Variants in RBFOX1 observed in about 807,000 individuals in gnomAD.
RBFOX1 encodes the protein RNA binding fox-1 homolog 1, also known as RNA binding protein fox-1 homolog 1.
RBFOX1 carries 8 observed loss-of-function variants against 57.7 expected under a neutral mutation model. The ratio of observed to expected loss-of-function variants is 0.14; its 90% CI spans 0.08 to 0.25. RBFOX1 has a LOEUF of 0.25. Ranked by LOEUF, RBFOX1 falls within the 10% of genes least tolerant of loss-of-function variation. The pLI, the probability that RBFOX1 is intolerant of heterozygous loss-of-function variation, is 1.00. For synonymous variants in RBFOX1, 326 were observed against 222.4 expected, an observed-to-expected ratio of 1.47 and a Z score of -4.15; for missense variants, 611 against 548.5, an observed-to-expected ratio of 1.11 and a Z score of -1.14.
At chr16:6,616,629 C>T (rs539743237) in intron 2 of RBFOX1, among the ~76,000 whole-genome samples, 3 of 152,150 alleles carry the variant, frequency 2.0e-5, no homozygotes, top group Non-Finnish European at 2.9e-5. Context: ...GAGCCGAGAT[C>T]GTGCCACTGC....
intron 3 of RBFOX1, among the ~76,000 whole-genome samples, chr16:6,964,584 G>C (rs145422355): frequency 3.3e-5 from 5 of 152,262 alleles, no homozygotes; most frequent in Admixed American, 3.3e-4. Context: ...CTTTATACTT[G>C]CTGAATTTTC....
intron 4 of RBFOX1, among the ~76,000 whole-genome samples, chr16:5,875,995 C>T (rs1450114770): frequency 2.0e-5 from 3 of 152,030 alleles, no homozygotes; most frequent in Non-Finnish European, 4.4e-5. Context: ...AGGCCCCCGA[C>T]AGCACACCCA....
intron 1 of RBFOX1, among the ~76,000 whole-genome samples, chr16:5,299,542 C>G (rs963359479): frequency 1.3e-4 from 20 of 152,212 alleles, no homozygotes; most frequent in African/African-American, 1.9e-4. Context: ...ACCATTCTGA[C>G]AAGCCACGTA....
At chr16:7,564,447 A>AGGGGAATTGCTTGATCCTGGGAGGCG (rs1415578490) in intron 5 of RBFOX1, among the ~76,000 whole-genome samples, 3 of 141,848 alleles carry the variant, frequency 2.1e-5, no homozygotes, top group African/African-American at 7.8e-5. Context: ...AGGCTGAGGC[A>AGGGGAATTGCTTGATCCTGGGAGGCG]GGGGAATTGC....
chr16:5,246,919 C>T (rs1225161442), intron 1 of RBFOX1, among the ~76,000 whole-genome samples: 1 of 152,202 alleles, frequency 6.6e-6, no homozygotes, highest in Admixed American at 6.5e-5. Context: ...AATCTGCCGG[C>T]CTCAGCCTCC....
chr16:6,278,451 G>A (rs1273858349), intron 1 of RBFOX1, among the ~76,000 whole-genome samples: 1 of 127,488 alleles, frequency 7.8e-6, no homozygotes, highest in Non-Finnish European at 1.6e-5. Flanking sequence ...CTAATCGCAT[G>A]AAGCATAAAT....
chr16:6,565,815 G>A (rs542014557), intron 2 of RBFOX1, among the ~76,000 whole-genome samples: 1 of 152,324 alleles, frequency 6.6e-6, no homozygotes, highest in East Asian at 1.9e-4. Flanking sequence ...GAAAAAAAGA[G>A]CTGGAAGGAT....
chr16:7,013,068 A>C (rs1161548156), intron 3 of RBFOX1, among the ~76,000 whole-genome samples: 4 of 152,092 alleles, frequency 2.6e-5, no homozygotes, highest in Non-Finnish European at 5.9e-5. Flanking sequence ...TCCCCTTATG[A>C]GGATCTTACT....
rs200673971 is a variant in RBFOX1 at position 7,709,746 on chromosome 16, T to C, written c.1071+615T>C. 6.2e-5 allele frequency: 11 copies of C among 177,482 alleles called. No individual in the cohort carries two copies. The East Asian group carries it at 1.5e-3, about 24-fold the overall frequency. 11.0% of individuals were successfully genotyped at this position (177,482 alleles called of 1,614,324 possible). The stretch of plus-strand genomic sequence containing the variant: ...TTGGGGCAGGTCTGGGTTTTTGTTT[T>C]GGGAGGGGGTGGGGGGAGGGTAAAA... On this transcript the variant is annotated intron_variant, in intron 15 of 15. Transcript: ENST00000550418.
At position 6,052,752 on chromosome 16, in the gene RBFOX1, C is replaced by G. The variant is rs528623397; in HGVS notation, c.-127+32760C>G. Reference sequence around the variant, plus strand: ...TGAGCCGAGATCGCGCCACTGCACTCCAGCCTGGGAGACAGAGCGAGACTC... The same window carrying G: ...TGAGCCGAGATCGCGCCACTGCACTGCAGCCTGGGAGACAGAGCGAGACTC... On this transcript the variant is annotated intron_variant, in intron 1 of 15. Coordinates refer to ENST00000550418, the MANE Select transcript of RBFOX1 (RefSeq NM_018723.4). 3.2e-3 allele frequency among the ~76,000 whole-genome samples: 481 copies of G among 151,028 alleles called. 1 individual carries two copies. Among genetic ancestry groups the G allele is most frequent in the African/African-American group, 0.011 (454 of 41,126 alleles).
At chr16:7,243,203 G>A (rs1603440039) in intron 4 of RBFOX1, among the ~76,000 whole-genome samples, 1 of 152,060 alleles carries the variant, frequency 6.6e-6, no homozygotes, top group Non-Finnish European at 1.5e-5. Flanking sequence ...TTGATCTCTT[G>A]CTACGTGCCA....
chr16:5,570,028 G>A (rs2046225253), intron 2 of RBFOX1, among the ~76,000 whole-genome samples: 1 of 152,094 alleles, frequency 6.6e-6, no homozygotes, highest in East Asian at 1.9e-4. Flanking sequence ...GCCCTTTCGT[G>A]GCAACAACAC....
chr16:6,425,908 C>T (rs145222221), intron 2 of RBFOX1, among the ~76,000 whole-genome samples: 5 of 152,110 alleles, frequency 3.3e-5, no homozygotes, highest in African/African-American at 9.7e-5. Flanking sequence ...AGTACATTAG[C>T]TTCCCAAAAA....
intron 3 of RBFOX1, among the ~76,000 whole-genome samples, chr16:6,801,646 G>C (rs991066683): frequency 3.3e-5 from 5 of 151,856 alleles, no homozygotes; most frequent in East Asian, 2.0e-4. Flanking sequence ...GGGCAGGAAA[G>C]GTGTTTCTGG....
At chr16:6,594,038 C>G (rs1164917132) in intron 2 of RBFOX1, among the ~76,000 whole-genome samples, 1 of 152,082 alleles carries the variant, frequency 6.6e-6, no homozygotes, top group Admixed American at 6.5e-5. Context: ...TATTAACTAC[C>G]CAGGGAACAT....
At chr16:5,785,319 A>G (rs1422986661) in intron 3 of RBFOX1, among the ~76,000 whole-genome samples, 1 of 152,118 alleles carries the variant, frequency 6.6e-6, no homozygotes, top group Non-Finnish European at 1.5e-5. Context: ...GAGACAAAAG[A>G]GAGGTGGAGC....
At chr16:6,169,151 G>A (rs1280637553) in intron 1 of RBFOX1, among the ~76,000 whole-genome samples, 1 of 152,084 alleles carries the variant, frequency 6.6e-6, no homozygotes, top group Non-Finnish European at 1.5e-5. Flanking sequence ...TTGATCTTGG[G>A]GTCATTGGAG....
intron 4 of RBFOX1, among the ~76,000 whole-genome samples, chr16:7,190,035 T>C (rs540068685): frequency 6.6e-6 from 1 of 152,310 alleles, no homozygotes; most frequent in South Asian, 2.1e-4. Flanking sequence ...AAAACCATGA[T>C]TTACTGGCAG....
intron 1 of RBFOX1, among the ~76,000 whole-genome samples, chr16:5,294,018 C>T (rs1196110972): frequency 1.3e-5 from 2 of 152,110 alleles, no homozygotes; most frequent in Admixed American, 6.5e-5. Context: ...CACCTGAGGC[C>T]AGGAGTTCGA....
Sources: gnomAD v4.1 joint callset for allele counts (sites outside exome capture counted in the v4.1 genomes callset) on GRCh38, gnomAD v4.1.1 for gene constraint, MANE v1.5 for transcripts, NCBI Gene and HGNC (gene_info 2026-07-23, HGNC 2026-07-21) for gene names.